Variants in SHOC1 observed in about 807,000 individuals in gnomAD.
SHOC1 encodes the protein protein shortage in chiasmata 1 ortholog.
In SHOC1, 136 loss-of-function variants were observed where a neutral mutation model predicts 179.2. The ratio of observed to expected loss-of-function variants is 0.76; its 90% confidence interval spans 0.66 to 0.87. SHOC1 has a LOEUF of 0.87. Among genes scored for constraint, SHOC1 ranks in the 40% least tolerant of loss-of-function variants. The pLI is 0.00. For missense variants in SHOC1, 1,538 were observed against 1,700.8 expected, an observed-to-expected ratio of 0.90 and a Z score of 1.68; for synonymous variants, 489 against 586.6, an observed-to-expected ratio of 0.83 and a Z score of 2.41.
rs1001664686 is a variant in SHOC1 at position 111,782,346 on chromosome 9, G to GT, written c.170-1330dup. Reference sequence around the variant, plus strand: ...AACATCTCAACCTTTTTGCACCTCTGTTTTTTTTATGTACAAACTAGGAAG... The same window carrying GT: ...AACATCTCAACCTTTTTGCACCTCTGTTTTTTTTTATGTACAAACTAGGAAG... On this transcript the variant is annotated intron_variant, in intron 3 of 27. Transcript: ENST00000682961. 5.3e-5 allele frequency among the ~76,000 whole-genome samples: 8 copies of GT among 152,076 alleles called. No individual in the cohort carries two copies. The East Asian group carries it at 5.8e-4, about 11-fold the overall frequency.
At chr9:111,789,373 T>G (rs1403212807) in intron 2 of SHOC1, among the ~76,000 whole-genome samples, 1 of 152,228 alleles carries the variant, frequency 6.6e-6, no homozygotes, top group Non-Finnish European at 1.5e-5. Context: ...TATTACTTTT[T>G]GTTATAATTT....
At chr9:111,794,823 G>A (rs1836568716) in intron 1 of SHOC1, 77 bp downstream of exon 1, 1 of 152,374 alleles carries the variant, frequency 6.6e-6, no homozygotes, top group South Asian at 2.1e-4. Flanking sequence ...ATACTTCTTT[G>A]GTCCCATACG....
intron 5 of SHOC1, chr9:111,759,191 T>C: frequency 6.2e-7 from 1 of 1,613,336 alleles, no homozygotes; most frequent in Non-Finnish European, 8.5e-7. Flanking sequence ...AAGCAAAATT[T>C]TAAAGAAATA....
intron 17 of SHOC1, 95 bp from the exon 18 acceptor site, chr9:111,713,267 T>C: frequency 1.6e-6 from 1 of 607,614 alleles, no homozygotes; most frequent in Non-Finnish European, 2.8e-6. Context: ...ATTGGTTCTA[T>C]GAAACTAATG....
intron 21 of SHOC1, among the ~76,000 whole-genome samples, chr9:111,704,830 C>T (rs1832174296): frequency 6.6e-6 from 1 of 151,966 alleles, no homozygotes; most frequent in Non-Finnish European, 1.5e-5. Flanking sequence ...CAGTAAAGTT[C>T]TATAAACAAG....
intron 4 of SHOC1, among the ~76,000 whole-genome samples, chr9:111,778,856 T>C (rs999315229): frequency 1.3e-5 from 2 of 149,846 alleles, no homozygotes; most frequent in Non-Finnish European, 3.0e-5. Flanking sequence ...TCCAGCACTT[T>C]GGGAGGCCAA....
chr9:111,753,474 T>C (rs565129400), intron 8 of SHOC1, among the ~76,000 whole-genome samples: 2 of 152,280 alleles, frequency 1.3e-5, no homozygotes, highest in East Asian at 1.9e-4. Flanking sequence ...CTCAATGTAA[T>C]ATACCATATC....
intron 24 of SHOC1, among the ~76,000 whole-genome samples, chr9:111,694,985 C>T (rs1434071402): frequency 6.6e-6 from 1 of 151,920 alleles, no homozygotes. Flanking sequence ...AATTTTTTCC[C>T]ATTAGCACAG....
intron 5 of SHOC1, among the ~76,000 whole-genome samples, chr9:111,770,465 T>C (rs1431704043): frequency 6.6e-6 from 1 of 152,204 alleles, no homozygotes; most frequent in Non-Finnish European, 1.5e-5. Flanking sequence ...GAATATTCCA[T>C]GTGCTGATGA....
At chr9:111,752,372 A>T (rs1182523794) in intron 8 of SHOC1, among the ~76,000 whole-genome samples, 1 of 152,232 alleles carries the variant, frequency 6.6e-6, no homozygotes, top group African/African-American at 2.4e-5. Flanking sequence ...AAGGCTATAT[A>T]AAGATTTCAG....
chr9:111,703,692 G>T (rs1175978163), intron 22 of SHOC1, among the ~76,000 whole-genome samples, 189 bp downstream of exon 22: 1 of 151,988 alleles, frequency 6.6e-6, no homozygotes, highest in Non-Finnish European at 1.5e-5. Flanking sequence ...ATGTTAAAAA[G>T]CTATAAGGCA....
At chr9:111,724,133 TG>T (rs1564127003) in intron 13 of SHOC1, among the ~76,000 whole-genome samples, 1 of 152,186 alleles carries the variant, frequency 6.6e-6, no homozygotes. Flanking sequence ...ATCAGTATTT[TG>T]AACTCAGTTC....
chr9:111,768,737 T>C (rs554917676), intron 5 of SHOC1, among the ~76,000 whole-genome samples: 1 of 152,348 alleles, frequency 6.6e-6, no homozygotes, highest in East Asian at 1.9e-4. Context: ...CCTTTCCAAT[T>C]TGAATGCCCT....
chr9:111,731,013 T>C (rs1833544037), intron 12 of SHOC1, among the ~76,000 whole-genome samples: 1 of 152,202 alleles, frequency 6.6e-6, no homozygotes, highest in Non-Finnish European at 1.5e-5. Flanking sequence ...GATGACTTTT[T>C]TCCTTAAACT....
At chr9:111,749,106 GCTCAA>G (rs1272017534) in intron 8 of SHOC1, among the ~76,000 whole-genome samples, 6 of 150,858 alleles carry the variant, frequency 4.0e-5, no homozygotes, top group African/African-American at 7.3e-5. Context: ...TTTTCTTAAG[GCTCAA>G]CTCTTGAAAA....
At position 111,699,788 on chromosome 9, in the gene SHOC1, C is replaced by G. The variant is rs149335136; in HGVS notation, c.3183+166G>C. Among the ~76,000 whole-genome samples the G allele has an allele frequency of 2.5e-3, 377 of 152,214 alleles. 1 individual carries two copies. Among genetic ancestry groups the G allele is most frequent in the African/African-American group, 8.2e-3 (342 of 41,540 alleles). ...TTCATTAAATTAAAGCCTTTTGGAA[C>G]AGAATAATGATAAAATGTTTATTAA... On this transcript the variant is annotated intron_variant, in intron 24 of 27. Coordinates refer to ENST00000682961, the MANE Select transcript of SHOC1 (RefSeq NM_001378211.1).
chr9:111,702,484 C>T (rs184619517), intron 22 of SHOC1, among the ~76,000 whole-genome samples: 34 of 152,312 alleles, frequency 2.2e-4, no homozygotes, highest in Admixed American at 1.8e-3. Context: ...AGAAAGTAGC[C>T]TATGGAGTGC....
At chr9:111,792,575 C>A (rs943916470) in intron 1 of SHOC1, among the ~76,000 whole-genome samples, 3 of 152,132 alleles carry the variant, frequency 2.0e-5, no homozygotes, top group South Asian at 2.1e-4. Flanking sequence ...GCACTCCAAA[C>A]TGGGCAACAG....
intron 5 of SHOC1, among the ~76,000 whole-genome samples, chr9:111,762,906 C>T (rs1835198597): frequency 6.6e-6 from 1 of 151,732 alleles, no homozygotes; most frequent in South Asian, 2.1e-4. Context: ...GAAGAAACAG[C>T]CATCATTCAC....
Sources: gnomAD v4.1 joint callset for allele counts (sites outside exome capture counted in the v4.1 genomes callset) on GRCh38, gnomAD v4.1.1 for gene constraint, MANE v1.5 for transcripts, NCBI Gene and HGNC (gene_info 2026-07-23, HGNC 2026-07-21) for gene names.